ARHGAP32: variants seen among roughly 807,000 people sequenced by gnomAD.
ARHGAP32 encodes Rho GTPase activating protein 32.
A neutral mutation model predicts 186.5 loss-of-function variants in ARHGAP32; 51 were observed. That is an observed-to-expected ratio of 0.27 (90% CI 0.22 to 0.35). ARHGAP32 has a LOEUF of 0.35. Ranked by LOEUF, ARHGAP32 falls within the 10% of genes least tolerant of loss-of-function variation. ARHGAP32 has a pLI of 1.00. For synonymous variants in ARHGAP32, 950 were observed against 964.3 expected (o/e 0.99, Z 0.27); for missense variants, 2,186 against 2,623.5 (o/e 0.83, Z 3.64).
intron 11 of ARHGAP32, among the ~76,000 whole-genome samples, chr11:129,010,204 A>G (rs1938006585): frequency 6.6e-6 from 1 of 152,156 alleles, no homozygotes; most frequent in Non-Finnish European, 1.5e-5. Flanking sequence ...CCTTTGTCAT[A>G]TGGATAGACT....
chr11:129,218,224 T>C (rs1944669242), intron 1 of ARHGAP32, among the ~76,000 whole-genome samples: 1 of 152,244 alleles, frequency 6.6e-6, no homozygotes, highest in Non-Finnish European at 1.5e-5. Flanking sequence ...ATTATAAAGC[T>C]GATCCTGAGA....
intron 1 of ARHGAP32, among the ~76,000 whole-genome samples, chr11:129,169,980 G>A (rs1221273139): frequency 6.6e-6 from 1 of 151,908 alleles, no homozygotes; most frequent in Middle Eastern, 3.2e-3. Flanking sequence ...TACTAGAAGA[G>A]AAAATTATAG....
intron 11 of ARHGAP32, among the ~76,000 whole-genome samples, chr11:129,004,919 A>C (rs1000001892): frequency 1.3e-5 from 2 of 151,754 alleles, no homozygotes; most frequent in Admixed American, 6.6e-5. Context: ...TTATCTGTTT[A>C]CTGGTAGTTT....
At chr11:129,101,802 A>G (rs1020639371) in intron 5 of ARHGAP32, among the ~76,000 whole-genome samples, 13 of 152,362 alleles carry the variant, frequency 8.5e-5, no homozygotes, top group South Asian at 2.1e-4. Context: ...ATCCATGAGA[A>G]CTTCCCCAAC....
chr11:129,085,881 C>T lies in ARHGAP32; in HGVS notation c.531+7740G>A, dbSNP rs374805900. Reference sequence around the variant, plus strand: ...TGGTGGCGGGCGCCTGTAGTCCCAGCTACTCGGGAGGCTGAGGCAGCAGAA... The same window carrying T: ...TGGTGGCGGGCGCCTGTAGTCCCAGTTACTCGGGAGGCTGAGGCAGCAGAA... On this transcript the variant is annotated intron_variant, in intron 6 of 22. Coordinates refer to ENST00000682385, the MANE Select transcript of ARHGAP32 (RefSeq NM_001378024.1). Among the ~76,000 whole-genome samples the T allele has an allele frequency of 2.6e-5, 4 of 152,022 alleles. No homozygotes were observed. The East Asian group carries it at 7.7e-4, about 29-fold the overall frequency.
At chr11:129,211,326 C>A (rs996641909) in intron 1 of ARHGAP32, among the ~76,000 whole-genome samples, 1 of 152,076 alleles carries the variant, frequency 6.6e-6, no homozygotes, top group African/African-American at 2.4e-5. Flanking sequence ...GTTACAACCA[C>A]AAGATTTCTC....
At chr11:129,091,009 A>T in intron 6 of ARHGAP32, among the ~76,000 whole-genome samples, 1 of 152,146 alleles carries the variant, frequency 6.6e-6, no homozygotes, top group Non-Finnish European at 1.5e-5. Flanking sequence ...TTGTTCGTTT[A>T]CTCAGAGAAC....
intron 18 of ARHGAP32, 143 bp downstream of exon 18, chr11:128,980,410 T>C: frequency 1.7e-6 from 1 of 572,030 alleles, no homozygotes; most frequent in African/African-American, 1.9e-5. Context: ...GTATCATCCA[T>C]ATTCGAATAA....
chr11:129,180,060 G>A (rs187995743), intron 1 of ARHGAP32, among the ~76,000 whole-genome samples: 11 of 151,828 alleles, frequency 7.2e-5, no homozygotes, highest in Non-Finnish European at 1.0e-4. Flanking sequence ...CAAGATCACT[G>A]GTTTACATGG....
chr11:129,261,085 G>C (rs758530880), intron 1 of ARHGAP32, among the ~76,000 whole-genome samples: 1 of 151,894 alleles, frequency 6.6e-6, no homozygotes, highest in Non-Finnish European at 1.5e-5. Flanking sequence ...AAAAAAAATG[G>C]GTCCAATCTC....
intron 11 of ARHGAP32, among the ~76,000 whole-genome samples, chr11:129,003,322 A>G (rs1313374204): frequency 6.6e-6 from 1 of 152,210 alleles, no homozygotes; most frequent in Non-Finnish European, 1.5e-5. Flanking sequence ...ATCAATATTC[A>G]TCAGTGATAT....
chr11:129,218,647 C>T (rs1944674730), intron 1 of ARHGAP32, among the ~76,000 whole-genome samples: 1 of 152,078 alleles, frequency 6.6e-6, no homozygotes, highest in Non-Finnish European at 1.5e-5. Flanking sequence ...CAAAGGAAGA[C>T]AGAACGGGGG....
intron 2 of ARHGAP32, among the ~76,000 whole-genome samples, chr11:129,139,314 T>C (rs555303662): frequency 2.4e-4 from 36 of 152,326 alleles, no homozygotes; most frequent in African/African-American, 7.9e-4. Context: ...GTCCTATTAC[T>C]GTATAGTCAT....
At chr11:129,188,238 G>A (rs10437707) in intron 1 of ARHGAP32, among the ~76,000 whole-genome samples, 3,091 of 152,234 alleles carry the variant, frequency 0.02, 59 homozygotes, top group African/African-American at 0.045. Context: ...TTACAGGTGT[G>A]AGCCACCATG....
intron 1 of ARHGAP32, among the ~76,000 whole-genome samples, chr11:129,184,735 G>A (rs902318497): frequency 5.9e-5 from 9 of 151,836 alleles, no homozygotes; most frequent in Admixed American, 2.0e-4. Context: ...ACTAAAGAAC[G>A]GGTAACAAAA....
At chr11:129,253,468 C>T (rs137948827) in intron 1 of ARHGAP32, among the ~76,000 whole-genome samples, 2 of 152,238 alleles carry the variant, frequency 1.3e-5, no homozygotes, top group East Asian at 3.9e-4. Flanking sequence ...AGAAAGAATA[C>T]GCTTTGCATG....
intron 12 of ARHGAP32, among the ~76,000 whole-genome samples, chr11:128,993,918 A>G (rs1014547507): frequency 5.3e-5 from 8 of 152,074 alleles, no homozygotes; most frequent in African/African-American, 1.9e-4. Context: ...CAAAAAATCA[A>G]TGATACCAAA....
chr11:129,203,905 T>C (rs1438600836), intron 1 of ARHGAP32, among the ~76,000 whole-genome samples: 1 of 148,204 alleles, frequency 6.7e-6, no homozygotes, highest in Non-Finnish European at 1.5e-5. Flanking sequence ...TCTAAAAAAA[T>C]TGCATATATA....
At chr11:128,976,267 G>A (rs1945539184) in intron 20 of ARHGAP32, among the ~76,000 whole-genome samples, 1 of 151,950 alleles carries the variant, frequency 6.6e-6, no homozygotes, top group Non-Finnish European at 1.5e-5. Context: ...AAAGGAAACA[G>A]TAATAACACA....
Sources: allele counts gnomAD v4.1 joint callset (sites outside exome capture counted in the v4.1 genomes callset), GRCh38; gene constraint gnomAD v4.1.1; transcripts MANE v1.5; gene names NCBI Gene and HGNC (gene_info 2026-07-23, HGNC 2026-07-21).